Variants in BBX observed in about 807,000 individuals in gnomAD.
BBX encodes BBX high mobility group box domain containing, also known as HMG box transcription factor BBX.
BBX carries 30 observed loss-of-function variants against 100.2 expected under a neutral mutation model. The observed-to-expected ratio is 0.30, with a 90% CI of 0.22 to 0.41. The LOEUF (loss-of-function observed/expected upper bound fraction) is 0.41, where lower values mean the gene tolerates loss of function less well. Ranked by LOEUF, BBX falls within the 10% of genes least tolerant of loss-of-function variation. The probability of loss-of-function intolerance (pLI) is 1.00; values close to 1 mark genes in which losing one functional copy is unlikely to be tolerated. For synonymous variants in BBX, 376 were observed against 388.1 expected (o/e 0.97, Z 0.37); for missense variants, 1,023 against 1,129.8 (o/e 0.91, Z 1.35).
intron 6 of BBX, among the ~76,000 whole-genome samples, chr3:107,729,794 G>A (rs2063192623): frequency 6.6e-6 from 1 of 152,160 alleles, no homozygotes; most frequent in Non-Finnish European, 1.5e-5. Flanking sequence ...GAAAGGTTGG[G>A]AAAAGAGGTT....
At chr3:107,694,944 A>G (rs1432862467) in intron 3 of BBX, among the ~76,000 whole-genome samples, 1 of 151,564 alleles carries the variant, frequency 6.6e-6, no homozygotes, top group Non-Finnish European at 1.5e-5. Context: ...GTGTCGAGGA[A>G]TTTATTCATT....
chr3:107,703,955 T>C (rs2061238286), intron 3 of BBX, among the ~76,000 whole-genome samples: 1 of 152,212 alleles, frequency 6.6e-6, no homozygotes, highest in Non-Finnish European at 1.5e-5. Context: ...GTCTATGAGC[T>C]GTTTGTTCTA....
chr3:107,705,618 C>G (rs912746587), intron 3 of BBX, among the ~76,000 whole-genome samples: 1 of 152,168 alleles, frequency 6.6e-6, no homozygotes, highest in Non-Finnish European at 1.5e-5. Flanking sequence ...CATCTATGCT[C>G]CCTTTTGAAT....
In BBX at chr3:107,772,798, G is replaced by A. The variant is rs142036872; in HGVS notation, c.1077G>A (p.Ser359=). The change falls in exon 11 of 18, where the codon TCG becomes TCA. Residue 359 remains serine, a synonymous_variant. Coordinates refer to ENST00000325805, the MANE Select transcript of BBX (RefSeq NM_001142568.3). ...AGAAGGAAGCAGAATTTGAAAAATC[G>A]GCTAAGGAAAATTTAAGAGATTCTA... ...RLQKEAEFEK[S]AKENLRDSKE... is the part of the protein sequence containing the mutation. 112 of 1,613,304 alleles carry A rather than the reference G, an allele frequency of 6.9e-5. No individual in the cohort carries two copies. The highest frequency in any genetic ancestry group is 8.5e-5 in the Non-Finnish European group (100 of 1,179,860).
At chr3:107,659,691 CCA>C in intron 3 of BBX, 1 of 1,266,264 alleles carries the variant, frequency 7.9e-7, no homozygotes, top group Non-Finnish European at 1.0e-6. Context: ...AACCACACCA[CCA>C]CACTGCCTGT....
intron 4 of BBX, among the ~76,000 whole-genome samples, chr3:107,714,793 CTT>C (rs956930225): frequency 6.8e-6 from 1 of 146,534 alleles, no homozygotes; most frequent in Non-Finnish European, 1.5e-5. Context: ...CGGCAAAAGA[CTT>C]TTTTTTTTTG....
chr3:107,802,034 T>C (rs1314793940), intron 17 of BBX, among the ~76,000 whole-genome samples: 1 of 152,248 alleles, frequency 6.6e-6, no homozygotes, highest in Non-Finnish European at 1.5e-5. Flanking sequence ...ACAGAAAGTA[T>C]ATTAAGTTCT....
At chr3:107,631,828 A>G (rs2056566326) in intron 2 of BBX, among the ~76,000 whole-genome samples, 2 of 152,248 alleles carry the variant, frequency 1.3e-5, no homozygotes, top group Admixed American at 1.3e-4. Context: ...ACTTTTAACC[A>G]TAAGAAATGT....
At chr3:107,558,918 A>G (rs990089136) in intron 2 of BBX, among the ~76,000 whole-genome samples, 2 of 152,230 alleles carry the variant, frequency 1.3e-5, no homozygotes, top group Non-Finnish European at 2.9e-5. Context: ...GGGGGAAAAC[A>G]AAGAAATTAT....
At chr3:107,552,038 A>G (rs771305529) in intron 2 of BBX, among the ~76,000 whole-genome samples, 2 of 152,104 alleles carry the variant, frequency 1.3e-5, no homozygotes, top group East Asian at 1.9e-4. Flanking sequence ...AGTTTAGTAC[A>G]GCGTTAAAGG....
At chr3:107,549,543 G>A (rs188119138) in intron 2 of BBX, among the ~76,000 whole-genome samples, 23 of 152,288 alleles carry the variant, frequency 1.5e-4, no homozygotes, top group Admixed American at 4.6e-4. Context: ...AGACATGCAC[G>A]TCTTTTTCTG....
intron 2 of BBX, among the ~76,000 whole-genome samples, chr3:107,555,203 C>A (rs1418248039): frequency 1.3e-5 from 2 of 152,192 alleles, no homozygotes; most frequent in Admixed American, 6.5e-5. Context: ...CACCTCCTAT[C>A]TTCTCTCTAT....
intron 5 of BBX, among the ~76,000 whole-genome samples, chr3:107,726,657 T>C (rs954595027): frequency 6.6e-6 from 1 of 152,072 alleles, no homozygotes; most frequent in African/African-American, 2.4e-5. Flanking sequence ...TTAGCCCTTT[T>C]GCAGATCCAT....
chr3:107,775,059 A>G (rs1327204014), intron 12 of BBX, among the ~76,000 whole-genome samples: 1 of 152,220 alleles, frequency 6.6e-6, no homozygotes, highest in Non-Finnish European at 1.5e-5. Context: ...TGTGAATGAC[A>G]GTAACATTCA....
intron 3 of BBX, among the ~76,000 whole-genome samples, chr3:107,655,511 A>T (rs1002758013): frequency 4.3e-5 from 5 of 117,598 alleles, no homozygotes; most frequent in Non-Finnish European, 6.8e-5. Flanking sequence ...ATGATAATTA[A>T]TTTTTTTTTT....
intron 2 of BBX, among the ~76,000 whole-genome samples, chr3:107,594,581 C>A (rs184896839): frequency 1.8e-4 from 28 of 152,194 alleles, no homozygotes; most frequent in African/African-American, 6.3e-4. Flanking sequence ...AGCTTCAATG[C>A]CAGCTCTTTC....
At chr3:107,709,668 A>G (rs1362737567) in intron 3 of BBX, among the ~76,000 whole-genome samples, 1 of 152,248 alleles carries the variant, frequency 6.6e-6, no homozygotes, top group Non-Finnish European at 1.5e-5. Context: ...ACAGGAAACT[A>G]ACATGCAGTT....
chr3:107,701,599 A>G lies in BBX; in HGVS notation c.-9-8853A>G, dbSNP rs1393027075. ...CATGCTAGTAGTGTGATTTATAAAC[A>G]TAATTCATAGCTCACCAAGTGCTCA... is the stretch of plus-strand genomic sequence containing the variant. On this transcript the variant is annotated intron_variant, in intron 3 of 17. Transcript: ENST00000325805. 2.0e-5 allele frequency among the ~76,000 whole-genome samples: 3 copies of G among 152,362 alleles called. No individual in the cohort carries two copies. In the East Asian group the frequency reaches 5.8e-4, roughly 29 times the overall value.
chr3:107,809,066 AAGTC>A lies in BBX; in HGVS notation c.*3612_*3615del. ...TTCTTATTAAGTCAGATGCTACTGT[AAGTC>A]AGATAAAATTTTGTTTGCACTCTGC... On this transcript the variant is annotated 3_prime_UTR_variant, in exon 18 of 18. Transcript: ENST00000325805. 1 of 152,352 alleles carries A rather than the reference AAGTC, an allele frequency of 6.6e-6. No individual in the cohort carries two copies. The highest frequency in any genetic ancestry group is 2.1e-4 in the South Asian group (1 of 4,824). The allele number at this position is 152,352 out of a possible 1,614,324, so 9.4% of individuals were successfully genotyped here. A position where few individuals can be genotyped will look rare whatever the true frequency, so the allele number is the denominator to read the frequency against.
Sources: gnomAD v4.1 joint callset for allele counts (sites outside exome capture counted in the v4.1 genomes callset) on GRCh38, gnomAD v4.1.1 for gene constraint, MANE v1.5 for transcripts, NCBI Gene and HGNC (gene_info 2026-07-23, HGNC 2026-07-21) for gene names.